TMEM163: variants seen among roughly 807,000 people sequenced by gnomAD.
TMEM163 encodes transmembrane protein 163.
Under a neutral mutation model 29.3 loss-of-function variants are expected in TMEM163, and 17 were observed. The ratio of observed to expected loss-of-function variants is 0.58; its 90% CI spans 0.40 to 0.87. TMEM163 has a LOEUF of 0.87. TMEM163 is among the 40% of genes least tolerant of loss of function. The pLI is 0.00. For synonymous variants in TMEM163, 157 were observed against 160.6 expected, an observed-to-expected ratio of 0.98 and a Z score of 0.17; for missense variants, 303 against 381.5, an observed-to-expected ratio of 0.79 and a Z score of 1.71.
chr2:134,674,123 A>T (rs1001560010), intron 2 of TMEM163, among the ~76,000 whole-genome samples: 2 of 152,122 alleles, frequency 1.3e-5, no homozygotes, highest in Non-Finnish European at 2.9e-5. Flanking sequence ...ATTTATGTGA[A>T]CAAACACATA....
chr2:134,593,421 CAGT>C (rs1681984520), intron 2 of TMEM163, among the ~76,000 whole-genome samples: 1 of 25,938 alleles, frequency 3.9e-5, no homozygotes, highest in African/African-American at 4.1e-4. Flanking sequence ...AAGAGACAGT[CAGT>C]CCCCTCTCCC....
chr2:134,610,383 T>C (rs1271805493), intron 2 of TMEM163, among the ~76,000 whole-genome samples: 1 of 152,130 alleles, frequency 6.6e-6, no homozygotes, highest in Non-Finnish European at 1.5e-5. Context: ...AGTTTGCAAA[T>C]CTCAGCGTGA....
chr2:134,540,791 A>T (rs1214311012), intron 4 of TMEM163, among the ~76,000 whole-genome samples: 1 of 152,234 alleles, frequency 6.6e-6, no homozygotes, highest in African/African-American at 2.4e-5. Flanking sequence ...TGCTCAGTAC[A>T]TGGTTATTAC....
At chr2:134,488,134 AT>A (rs1679350861) in intron 5 of TMEM163, among the ~76,000 whole-genome samples, 1 of 152,250 alleles carries the variant, frequency 6.6e-6, no homozygotes, top group South Asian at 2.1e-4. Flanking sequence ...CAATGCACAT[AT>A]GTGATGGTTA....
At chr2:134,555,387 GT>G (rs1421650723) in intron 2 of TMEM163, among the ~76,000 whole-genome samples, 1 of 152,152 alleles carries the variant, frequency 6.6e-6, no homozygotes, top group Admixed American at 6.5e-5. Flanking sequence ...AGATTACATG[GT>G]AGAGGCACCT....
chr2:134,502,908 G>A lies in TMEM163; in HGVS notation c.548C>T (p.Pro183Leu). 6.2e-7 allele frequency: 1 copy of A among 1,613,540 alleles called. No individual in the cohort carries two copies. Among genetic ancestry groups the A allele is most frequent in the Non-Finnish European group, 8.5e-7 (1 of 1,179,744 alleles). Residue 183 changes from proline (P) to leucine (L), a missense_variant, in exon 5 of 8, where the codon CCA becomes CTA. Physicochemically the swap from Pro to Leu is moderately conservative, Grantham distance 98. Around this residue, in one of 2 missense-constraint regions of TMEM163, gnomAD observed 203 missense variants for 294.3 expected, o/e 0.69. Transcript: ENST00000281924. ...GAAGAAGAAGGACCTTACCACTTCT[G>A]GGAGCAGCCTAGTTGAGAGGTCATG... is the stretch of plus-strand genomic sequence containing the variant. Reference protein sequence around the residue: ...AIHDLSTRLLPEVDDFLFSVS... With the variant: ...AIHDLSTRLLLEVDDFLFSVS...
At chr2:134,704,605 G>T (rs547098491) in intron 2 of TMEM163, among the ~76,000 whole-genome samples, 1 of 152,276 alleles carries the variant, frequency 6.6e-6, no homozygotes, top group Non-Finnish European at 1.5e-5. Flanking sequence ...CTCCTGGAGG[G>T]AAGCTGAGTC....
chr2:134,518,979 A>T (rs934136906), intron 4 of TMEM163, among the ~76,000 whole-genome samples: 1 of 152,172 alleles, frequency 6.6e-6, no homozygotes, highest in Non-Finnish European at 1.5e-5. Flanking sequence ...AACCACAAAC[A>T]TCCATGTGAA....
At chr2:134,459,636 C>T (rs555351573) in intron 6 of TMEM163, among the ~76,000 whole-genome samples, 14 of 152,084 alleles carry the variant, frequency 9.2e-5, no homozygotes, top group Admixed American at 5.2e-4. Context: ...CCCTTCTGCC[C>T]GGGTTCCCTC....
intron 4 of TMEM163, among the ~76,000 whole-genome samples, chr2:134,550,143 T>A (rs1680879770): frequency 1.3e-5 from 2 of 152,016 alleles, no homozygotes; most frequent in East Asian, 3.9e-4. Flanking sequence ...GCAAGCAACA[T>A]CCCCTAATAC....
At chr2:134,556,208 T>G (rs530246692) in intron 2 of TMEM163, among the ~76,000 whole-genome samples, 2 of 152,212 alleles carry the variant, frequency 1.3e-5, no homozygotes, top group Non-Finnish European at 2.9e-5. Context: ...CAGTCCTGCC[T>G]GATCTATCCC....
intron 2 of TMEM163, among the ~76,000 whole-genome samples, chr2:134,700,942 A>ATAAATAAT (rs56105128): frequency 0.24 from 28,018 of 119,202 alleles, 3,228 homozygotes; most frequent in East Asian, 0.53. Context: ...AAATAAATAA[A>ATAAATAAT]TAAATAAAGT....
At chr2:134,513,571 G>T (rs1011808660) in intron 4 of TMEM163, among the ~76,000 whole-genome samples, 9 of 152,202 alleles carry the variant, frequency 5.9e-5, no homozygotes, top group Non-Finnish European at 1.3e-4. Flanking sequence ...GAAAAACCAT[G>T]CAGAGCCCCT....
chr2:134,538,676 C>T lies in TMEM163; in HGVS notation c.458+11894G>A, dbSNP rs752699976. Among the ~76,000 whole-genome samples, 87 of 152,126 alleles carry T rather than the reference C, an allele frequency of 5.7e-4. 1 individual carries two copies. Among genetic ancestry groups the T allele is most frequent in the Non-Finnish European group, 1.8e-4 (12 of 68,032 alleles). On this transcript the variant is annotated intron_variant, in intron 4 of 7. Coordinates refer to ENST00000281924, the MANE Select transcript of TMEM163 (RefSeq NM_030923.5). ...CACGCCACAGTGAGGGTGAAGCTGA[C>T]GACACTATGCTGAGTGACTAAGGAA... is the stretch of plus-strand genomic sequence containing the variant.
chr2:134,587,570 G>C (rs1050249945), intron 2 of TMEM163, among the ~76,000 whole-genome samples: 1 of 152,186 alleles, frequency 6.6e-6, no homozygotes, highest in Non-Finnish European at 1.5e-5. Context: ...AGACACAAGA[G>C]AACCCAGACA....
chr2:134,629,575 TTTAA>T (rs1208779715), intron 2 of TMEM163, among the ~76,000 whole-genome samples: 1 of 152,230 alleles, frequency 6.6e-6, no homozygotes, highest in African/African-American at 2.4e-5. Context: ...ACCTTTCTGT[TTTAA>T]TTTAGTATCT....
chr2:134,482,711 C>T (rs1679219351), intron 5 of TMEM163, among the ~76,000 whole-genome samples: 1 of 152,192 alleles, frequency 6.6e-6, no homozygotes, highest in African/African-American at 2.4e-5. Context: ...AAGCCTGAGC[C>T]CTCCATTTCC....
intron 2 of TMEM163, among the ~76,000 whole-genome samples, chr2:134,662,835 A>G (rs1350758058): frequency 6.6e-6 from 1 of 152,196 alleles, no homozygotes; most frequent in East Asian, 1.9e-4. Flanking sequence ...TCTCTGCACC[A>G]TGCCTGGCAG....
chr2:134,650,690 C>G (rs1574310307), intron 2 of TMEM163, among the ~76,000 whole-genome samples: 1 of 106,742 alleles, frequency 9.4e-6, no homozygotes, highest in African/African-American at 4.0e-5. Flanking sequence ...CTATCCCTCA[C>G]CCCTCCCCCC....
Sources: gnomAD v4.1 joint callset for allele counts (sites outside exome capture counted in the v4.1 genomes callset) on GRCh38, gnomAD v4.1.1 for gene constraint, gnomAD v4.1.1 regional missense constraint, MANE v1.5 for transcripts, NCBI Gene and HGNC (gene_info 2026-07-23, HGNC 2026-07-21) for gene names.